Variants in PTPRN2 observed in about 807,000 individuals in gnomAD.
PTPRN2 encodes the protein protein tyrosine phosphatase receptor type N2.
Under a neutral mutation model 118.8 loss-of-function variants are expected in PTPRN2, and 74 were observed. The observed-to-expected ratio is 0.62, with a 90% CI of 0.52 to 0.76. PTPRN2 has a LOEUF of 0.76. Among genes scored for constraint, PTPRN2 ranks in the 30% least tolerant of loss-of-function variants. PTPRN2 has a pLI of 0.00. For missense variants in PTPRN2, 1,481 were observed against 1,394.4 expected (o/e 1.06, Z -0.99); for synonymous variants, 641 against 608.0 (o/e 1.05, Z -0.80).
At chr7:157,771,086 T>G (rs747598159) in intron 12 of PTPRN2, among the ~76,000 whole-genome samples, 3 of 152,220 alleles carry the variant, frequency 2.0e-5, no homozygotes, top group Non-Finnish European at 2.9e-5. Context: ...GCTGCCATTC[T>G]GTGAGGAAGC....
At chr7:158,324,835 T>C (rs1394452523) in intron 2 of PTPRN2, among the ~76,000 whole-genome samples, 1 of 152,114 alleles carries the variant, frequency 6.6e-6, no homozygotes, top group Non-Finnish European at 1.5e-5. Context: ...AAGGTGGCTT[T>C]GATACCCTGT....
chr7:157,567,217 A>G (rs755553904), intron 21 of PTPRN2, among the ~76,000 whole-genome samples: 37 of 152,244 alleles, frequency 2.4e-4, no homozygotes, highest in Non-Finnish European at 4.7e-4. Flanking sequence ...TTTAAATGAC[A>G]AAAAGTTAGG....
chr7:157,550,285 C>T lies in PTPRN2; in HGVS notation c.2903-1266G>A, dbSNP rs112291340. On this transcript the variant is annotated intron_variant, in intron 21 of 22. Transcript: ENST00000389418. The surrounding 1 kb of genome is among the most constrained non-coding windows in gnomAD (Gnocchi z 5.2). ...ATCATCCCAGCAGGGTAGCAGGTGCCTGCGAAGCACCTCCAAGTCACAGCA... is the reference window on the plus strand; with the variant it reads ...ATCATCCCAGCAGGGTAGCAGGTGCTTGCGAAGCACCTCCAAGTCACAGCA... Among the ~76,000 whole-genome samples the T allele has an allele frequency of 6.1e-4, 92 of 151,242 alleles. No individual in the cohort carries two copies. The highest frequency in any genetic ancestry group is 2.1e-3 in the African/African-American group (86 of 41,374).
chr7:157,949,233 A>C (rs1334470764), intron 11 of PTPRN2, among the ~76,000 whole-genome samples: 2 of 152,228 alleles, frequency 1.3e-5, no homozygotes, highest in Non-Finnish European at 2.9e-5. Context: ...AAAATGATGC[A>C]TTTTGGGATG....
chr7:158,396,437 AAT>A lies in PTPRN2; in HGVS notation c.164-79507_164-79506del, dbSNP rs368644836. 6.8e-4 allele frequency among the ~76,000 whole-genome samples: 102 copies of A among 149,732 alleles called. 2 individuals are homozygous for A. The highest frequency in any genetic ancestry group is 2.4e-3 in the African/African-American group (98 of 40,582). ...GTACATGTGCACGTGTGTGTGCATG[AAT>A]GTGTCACGTGTGTGCACGCGTGTAC... On this transcript the variant is annotated intron_variant, in intron 2 of 22. Coordinates refer to ENST00000389418, the MANE Select transcript of PTPRN2 (RefSeq NM_002847.5).
chr7:158,117,864 G>A (rs1816854977), intron 9 of PTPRN2, among the ~76,000 whole-genome samples: 1 of 152,052 alleles, frequency 6.6e-6, no homozygotes, highest in African/African-American at 2.4e-5. Flanking sequence ...GACATTCTTA[G>A]ATAAACCAAA....
At chr7:158,083,508 C>A (rs151142952) in intron 10 of PTPRN2, among the ~76,000 whole-genome samples, 1 of 152,160 alleles carries the variant, frequency 6.6e-6, no homozygotes, top group Non-Finnish European at 1.5e-5. Flanking sequence ...TGAAAGTTTT[C>A]TCTAAAGGCT....
chr7:158,271,277 G>C (rs1798500127), intron 3 of PTPRN2, among the ~76,000 whole-genome samples: 1 of 152,162 alleles, frequency 6.6e-6, no homozygotes, highest in Non-Finnish European at 1.5e-5. Context: ...TGGAATTCTT[G>C]GATTAAATGC....
At chr7:157,608,712 C>A (rs1360294626) in intron 15 of PTPRN2, among the ~76,000 whole-genome samples, 1 of 152,148 alleles carries the variant, frequency 6.6e-6, no homozygotes, top group Non-Finnish European at 1.5e-5. Context: ...TCAAGGCCAA[C>A]CCCAGGCTGG....
intron 20 of PTPRN2, among the ~76,000 whole-genome samples, chr7:157,570,939 G>C (rs1799723675): frequency 6.6e-6 from 1 of 152,182 alleles, no homozygotes; most frequent in Non-Finnish European, 1.5e-5. Context: ...TGCACCGTGG[G>C]CTGCTAGAAA....
chr7:158,540,219 G>A (rs559858793), intron 1 of PTPRN2, among the ~76,000 whole-genome samples: 9 of 152,296 alleles, frequency 5.9e-5, no homozygotes, highest in African/African-American at 9.6e-5. Flanking sequence ...CTCTGCAGCC[G>A]GGGGCTCCCA....
chr7:158,329,717 C>T (rs76297156), intron 2 of PTPRN2, among the ~76,000 whole-genome samples: 6,210 of 152,200 alleles, frequency 0.041, 473 homozygotes, highest in African/African-American at 0.14. Context: ...CCCATTGACG[C>T]CATGTGGAAA....
chr7:158,274,333 GCAGACGCGGGAGAGCCA>G (rs1314542468), intron 3 of PTPRN2, among the ~76,000 whole-genome samples: 644 of 49,522 alleles, frequency 0.013, 21 homozygotes, highest in African/African-American at 0.04. Context: ...AGGGGGAGCC[GCAGACGCGGGAGAGCCA>G]CAGACACAGG....
At chr7:157,981,084 C>G (rs979481732) in intron 11 of PTPRN2, among the ~76,000 whole-genome samples, 7 of 152,264 alleles carry the variant, frequency 4.6e-5, no homozygotes, top group Non-Finnish European at 8.8e-5. Context: ...GGCACTCACA[C>G]AGTTAGATCA....
chr7:158,191,177 T>G (rs1351381751), intron 5 of PTPRN2, among the ~76,000 whole-genome samples: 1 of 152,156 alleles, frequency 6.6e-6, no homozygotes, highest in Non-Finnish European at 1.5e-5. Context: ...CAGAGTTAAC[T>G]TAAGTCATTT....
Position 158,544,742 on chromosome 7 carries a change from G to A in PTPRN2, c.112+42816C>T, listed in dbSNP as rs149663377. ...GTGGTCCAAGATAATTCTTATTCCA[G>A]TGTAACCCGGGGATACCAAAAGATT... On this transcript the variant is annotated intron_variant, in intron 1 of 22. Coordinates refer to ENST00000389418, the MANE Select transcript of PTPRN2 (RefSeq NM_002847.5). This position sits in a 1 kb window ranked among gnomAD's most constrained non-coding sequence, Gnocchi z 4.2. Among the ~76,000 whole-genome samples the A allele has an allele frequency of 1.7e-4, 26 of 152,286 alleles. No individual in the cohort carries two copies. The highest frequency in any genetic ancestry group is 5.3e-4 in the African/African-American group (22 of 41,564).
chr7:157,840,561 G>A (rs1348847271), intron 12 of PTPRN2, among the ~76,000 whole-genome samples: 1 of 152,196 alleles, frequency 6.6e-6, no homozygotes, highest in Non-Finnish European at 1.5e-5. Flanking sequence ...GAGAGGGTAC[G>A]GGACGGGAGC....
At chr7:157,854,270 G>C (rs1311098994) in intron 12 of PTPRN2, among the ~76,000 whole-genome samples, 2 of 152,232 alleles carry the variant, frequency 1.3e-5, no homozygotes, top group Non-Finnish European at 1.5e-5. Context: ...CAAGGGCTGG[G>C]CTCAGAAGCC....
intron 2 of PTPRN2, among the ~76,000 whole-genome samples, chr7:158,414,117 A>G (rs1314023264): frequency 6.6e-6 from 1 of 150,558 alleles, no homozygotes; most frequent in African/African-American, 2.4e-5. Flanking sequence ...CTAGTGTTCC[A>G]GCAGGGGGAG....
Sources: allele counts gnomAD v4.1 joint callset (sites outside exome capture counted in the v4.1 genomes callset), GRCh38; gene constraint gnomAD v4.1.1; non-coding constraint Gnocchi (gnomAD v3.1); transcripts MANE v1.5; gene names NCBI Gene and HGNC (gene_info 2026-07-23, HGNC 2026-07-21).